Variants in FHIT observed in about 807,000 individuals in gnomAD.
FHIT encodes the protein fragile histidine triad diadenosine triphosphatase.
FHIT carries 19 observed loss-of-function variants against 17.9 expected under a neutral mutation model. The ratio of observed to expected loss-of-function variants is 1.06; its 90% CI spans 0.74 to 1.56. FHIT has a LOEUF of 1.56. Among genes scored for constraint, FHIT ranks in the 40% most tolerant of loss-of-function variants. The pLI is 0.00. For missense variants in FHIT, 248 were observed against 189.2 expected (o/e 1.31, Z -1.82); for synonymous variants, 81 against 69.7 (o/e 1.16, Z -0.81).
intron 8 of FHIT, among the ~76,000 whole-genome samples, chr3:59,877,397 G>A (rs959431029): frequency 1.1e-4 from 17 of 152,176 alleles, no homozygotes; most frequent in African/African-American, 4.1e-4. Context: ...TGACCATACA[G>A]GGATAAAGTG....
intron 5 of FHIT, among the ~76,000 whole-genome samples, chr3:60,285,352 C>A (rs1013115648): frequency 7.2e-5 from 11 of 152,054 alleles, no homozygotes; most frequent in Non-Finnish European, 1.2e-4. Flanking sequence ...GTTTATGCCC[C>A]ATGAATTATC....
chr3:60,620,978 T>G (rs535031582), intron 4 of FHIT, among the ~76,000 whole-genome samples: 3 of 152,162 alleles, frequency 2.0e-5, no homozygotes, highest in African/African-American at 7.2e-5. Context: ...TGTATTGATT[T>G]CTTAAAACCA....
chr3:60,353,973 G>C lies in FHIT; in HGVS notation c.103+182887C>G, dbSNP rs575983770. 1.2e-4 allele frequency among the ~76,000 whole-genome samples: 18 copies of C among 152,066 alleles called. No individual in the cohort carries two copies. In the South Asian group the frequency reaches 3.3e-3, roughly 28 times the overall value. ...TTTATCCTATCTATTCTACTTCTTA[G>C]AACTCTAAGGAAACAAGAAGAGATG... On this transcript the variant is annotated intron_variant, in intron 5 of 9. Transcript: ENST00000492590.
At chr3:60,540,150 G>A (rs2036139199) in intron 4 of FHIT, among the ~76,000 whole-genome samples, 1 of 152,008 alleles carries the variant, frequency 6.6e-6, no homozygotes, top group South Asian at 2.1e-4. Flanking sequence ...AGAAGAACAG[G>A]TTTAGGGAGC....
chr3:59,783,740 C>G (rs886405470), intron 8 of FHIT, among the ~76,000 whole-genome samples: 1 of 152,138 alleles, frequency 6.6e-6, no homozygotes, highest in Non-Finnish European at 1.5e-5. Context: ...ACAAACATCT[C>G]CACACGTTGC....
At chr3:60,367,473 A>C (rs1700156772) in intron 5 of FHIT, among the ~76,000 whole-genome samples, 1 of 152,212 alleles carries the variant, frequency 6.6e-6, no homozygotes, top group Non-Finnish European at 1.5e-5. Flanking sequence ...AAGTCTAAGA[A>C]AACTCTTACT....
chr3:59,971,285 T>C (rs1220430369), intron 7 of FHIT, among the ~76,000 whole-genome samples: 2 of 152,110 alleles, frequency 1.3e-5, no homozygotes, highest in Non-Finnish European at 2.9e-5. Flanking sequence ...GGTGCTTTGA[T>C]AGCTGCAAGA....
intron 1 of FHIT, among the ~76,000 whole-genome samples, chr3:61,228,865 G>A (rs2040031508): frequency 6.6e-6 from 1 of 152,258 alleles, no homozygotes; most frequent in Middle Eastern, 3.4e-3. Context: ...CATCAATAAG[G>A]CCATTCCGTT....
At chr3:60,102,155 A>G (rs541408962) in intron 5 of FHIT, among the ~76,000 whole-genome samples, 7 of 152,354 alleles carry the variant, frequency 4.6e-5, no homozygotes, top group Non-Finnish European at 1.0e-4. Flanking sequence ...TAGGTGTTCA[A>G]TAAGTGTTAG....
rs1455550359 is a variant in FHIT at position 61,240,431 on chromosome 3, C to T, written c.-213+10870G>A. On this transcript the variant is annotated intron_variant, in intron 1 of 9. Transcript: ENST00000492590. ...GAATGTGGCAGCCCTGGCCCACTTC[C>T]TCTGGGTGAATCTCTCCTCTCCCAG... is the stretch of plus-strand genomic sequence containing the variant. Among the ~76,000 whole-genome samples, 4 of 152,170 alleles carry T rather than the reference C, an allele frequency of 2.6e-5. No individual in the cohort carries two copies. In the East Asian group the frequency reaches 5.8e-4, roughly 22 times the overall value.
At chr3:61,183,391 AT>A in intron 2 of FHIT, among the ~76,000 whole-genome samples, 1 of 152,172 alleles carries the variant, frequency 6.6e-6, no homozygotes, top group South Asian at 2.1e-4. Flanking sequence ...TCCCCAAATT[AT>A]CCCAACCTCA....
intron 5 of FHIT, among the ~76,000 whole-genome samples, chr3:60,364,170 A>G (rs534790669): frequency 6.6e-6 from 1 of 152,338 alleles, no homozygotes; most frequent in Non-Finnish European, 1.5e-5. Context: ...CTTTCTAATA[A>G]TGCCTTTGGT....
intron 4 of FHIT, among the ~76,000 whole-genome samples, chr3:60,801,957 A>G (rs1471718966): frequency 1.3e-5 from 2 of 152,236 alleles, no homozygotes; most frequent in Non-Finnish European, 2.9e-5. Context: ...GCAAAACAGA[A>G]CATTTCCTTC....
intron 4 of FHIT, among the ~76,000 whole-genome samples, chr3:60,606,560 A>G (rs1553671315): frequency 1.3e-5 from 2 of 151,904 alleles, no homozygotes; most frequent in African/African-American, 2.4e-5. Context: ...ATCTTGATTC[A>G]CTTTTAGGGA....
intron 5 of FHIT, among the ~76,000 whole-genome samples, chr3:60,459,476 T>C (rs1189461200): frequency 6.6e-6 from 1 of 152,180 alleles, no homozygotes; most frequent in Non-Finnish European, 1.5e-5. Context: ...CTCTTTGAGT[T>C]TCAATGCCCT....
intron 5 of FHIT, among the ~76,000 whole-genome samples, chr3:60,463,018 A>G (rs1480718896): frequency 1.3e-5 from 2 of 152,136 alleles, no homozygotes; most frequent in Non-Finnish European, 1.5e-5. Flanking sequence ...TTTCTACCCA[A>G]CATTCACCAC....
chr3:61,024,066 G>A (rs921564193), intron 3 of FHIT, among the ~76,000 whole-genome samples: 1 of 152,020 alleles, frequency 6.6e-6, no homozygotes, highest in Non-Finnish European at 1.5e-5. Context: ...TCAAATTGGA[G>A]AAATAACATA....
chr3:60,369,124 C>G (rs1011709447), intron 5 of FHIT, among the ~76,000 whole-genome samples: 1 of 150,992 alleles, frequency 6.6e-6, no homozygotes, highest in Admixed American at 6.6e-5. Context: ...AGGTGTGCAC[C>G]AACACGCCTT....
chr3:60,532,192 T>C (rs2035811709), intron 5 of FHIT, among the ~76,000 whole-genome samples: 1 of 152,186 alleles, frequency 6.6e-6, no homozygotes, highest in South Asian at 2.1e-4. Context: ...CACACCCTAT[T>C]CAATTCATCC....
Sources: gnomAD v4.1 joint callset for allele counts (sites outside exome capture counted in the v4.1 genomes callset) on GRCh38, gnomAD v4.1.1 for gene constraint, MANE v1.5 for transcripts, NCBI Gene and HGNC (gene_info 2026-07-23, HGNC 2026-07-21) for gene names.